The following DENND4C variants were observed in gnomAD, a reference collection of about 807,000 sequenced individuals.
The protein encoded by DENND4C is DENN domain containing 4C.
DENND4C carries 108 observed loss-of-function variants against 203.0 expected under a neutral mutation model. The ratio of observed to expected loss-of-function variants is 0.53; its 90% CI spans 0.46 to 0.62. The LOEUF (loss-of-function observed/expected upper bound fraction) is 0.62. DENND4C is among the 20% of genes least tolerant of loss of function. The pLI is 0.00. For missense variants in DENND4C, 2,481 were observed against 2,301.2 expected (o/e 1.08, Z -1.60); for synonymous variants, 871 against 792.4 (o/e 1.10, Z -1.67).
intron 1 of DENND4C, among the ~76,000 whole-genome samples, chr9:19,247,527 C>T (rs1444840737): frequency 6.6e-6 from 1 of 152,166 alleles, no homozygotes; most frequent in African/African-American, 2.4e-5. Context: ...TCCTGAGTAG[C>T]TAGGACTTTA....
intron 12 of DENND4C, among the ~76,000 whole-genome samples, chr9:19,323,457 G>T (rs1843226850): frequency 6.6e-6 from 1 of 151,144 alleles, no homozygotes; most frequent in South Asian, 2.1e-4. Context: ...GAATGAAGAA[G>T]AATCTAAAGT....
chr9:19,364,260 A>C (rs1827145183), intron 30 of DENND4C, among the ~76,000 whole-genome samples: 1 of 152,192 alleles, frequency 6.6e-6, no homozygotes, highest in Non-Finnish European at 1.5e-5. Flanking sequence ...TTAAAGATGA[A>C]GATTGTTTAA....
chr9:19,305,489 T>C lies in DENND4C; in HGVS notation c.1449T>C (p.Asp483=). 6.2e-7 allele frequency: 1 copy of C among 1,613,616 alleles called. No homozygotes were observed. Among genetic ancestry groups the C allele is most frequent in the Non-Finnish European group, 8.5e-7 (1 of 1,179,928 alleles). Residue 483 remains aspartate, a synonymous_variant, in exon 10 of 33, where the codon GAT becomes GAC. Transcript: ENST00000434457. ...RYFDLHDPPQ[D]VVCIDLDTNM... ...TTGATCTTCATGACCCACCACAAGA[T>C]GTTGTTTGCATTGACTTGGATACGA...
At position 19,328,103 on chromosome 9, in the gene DENND4C, C is replaced by T. The variant is rs544694150; in HGVS notation, c.2194C>T (p.His732Tyr). The T allele has an allele frequency of 6.2e-7, 1 of 1,613,596 alleles. No homozygotes were observed. The highest frequency in any genetic ancestry group is 8.5e-7 in the Non-Finnish European group (1 of 1,179,776). ...PQELKLCFSR[H>Y]PTGNSITKSP... ...GGAGTTGAAACTTTGTTTTAGTAGACACCCTACTGGGAATAGCATTACAAA... is the reference window on the plus strand; with the variant it reads ...GGAGTTGAAACTTTGTTTTAGTAGATACCCTACTGGGAATAGCATTACAAA... Residue 732 changes from histidine (H) to tyrosine (Y), a missense_variant, in exon 16 of 33, where the codon CAC becomes TAC. His to Tyr is a moderately conservative substitution (Grantham distance 83, BLOSUM62 2). This residue lies in a region of DENND4C where 2,289 missense variants were observed against 2,113.3 expected (regional missense o/e 1.08). Transcript: ENST00000434457.
chr9:19,319,646 C>T (rs1390886593), intron 12 of DENND4C, among the ~76,000 whole-genome samples: 13 of 151,558 alleles, frequency 8.6e-5, no homozygotes, highest in Non-Finnish European at 1.6e-4. Flanking sequence ...ACGGAAGTGA[C>T]ATCACTAAAG....
At chr9:19,321,192 C>A (rs890927796) in intron 12 of DENND4C, among the ~76,000 whole-genome samples, 3 of 152,222 alleles carry the variant, frequency 2.0e-5, no homozygotes, top group Admixed American at 6.5e-5. Context: ...AGAGATTGCA[C>A]TGGAGACATT....
At position 19,300,315 on chromosome 9, in the gene DENND4C, C is replaced by T. The variant is rs1838295543; in HGVS notation, c.1295C>T (p.Ala432Val). The T allele has an allele frequency of 6.3e-7, 1 of 1,590,702 alleles. No homozygotes were observed. Among genetic ancestry groups the T allele is most frequent in the Non-Finnish European group, 8.6e-7 (1 of 1,164,282 alleles). Residue 432 changes from alanine to valine, a missense_variant, in exon 9 of 33, where the codon GCT becomes GTT. By Grantham distance (64) the Ala-to-Val change is moderately conservative. Transcript: ENST00000434457. ...AGGCCAGCTGTCTTGACTGGGGTAG[C>T]TGAAGCTGTTGTAGCTGTAAGTATA... ...SLRPAVLTGV[A>V]EAVVAMIFPF... is the part of the protein sequence containing the mutation.
chr9:19,245,136 C>G (rs1242336252), intron 1 of DENND4C, among the ~76,000 whole-genome samples: 2 of 152,172 alleles, frequency 1.3e-5, no homozygotes, highest in African/African-American at 4.8e-5. Context: ...AGTGGGCCAC[C>G]TTCAGAAATT....
intron 16 of DENND4C, among the ~76,000 whole-genome samples, chr9:19,331,460 C>A (rs1819157637): frequency 6.6e-6 from 1 of 152,106 alleles, no homozygotes; most frequent in Admixed American, 6.6e-5. Flanking sequence ...CTTGGCCTCC[C>A]AAAGTGCTAG....
intron 5 of DENND4C, among the ~76,000 whole-genome samples, chr9:19,291,730 G>A (rs747715343): frequency 3.7e-4 from 56 of 150,148 alleles, no homozygotes; most frequent in Non-Finnish European, 6.9e-4. Flanking sequence ...AAATAGCAGA[G>A]ATAAGACATA....
intron 17 of DENND4C, among the ~76,000 whole-genome samples, chr9:19,333,024 A>T (rs1465073998): frequency 6.7e-6 from 1 of 150,078 alleles, no homozygotes; most frequent in East Asian, 1.9e-4. Flanking sequence ...TATATTTTTT[A>T]TTTATATTTA....
At chr9:19,321,118 T>A (rs571072545) in intron 12 of DENND4C, among the ~76,000 whole-genome samples, 56 of 152,286 alleles carry the variant, frequency 3.7e-4, no homozygotes, top group African/African-American at 1.3e-3. Context: ...TAGGATCAGA[T>A]TTGCATTTTT....
intron 21 of DENND4C, among the ~76,000 whole-genome samples, chr9:19,341,466 C>A (rs1309037691): frequency 6.6e-6 from 1 of 151,938 alleles, no homozygotes; most frequent in Non-Finnish European, 1.5e-5. Flanking sequence ...CGTGCCACCA[C>A]ACCCAGCTAA....
intron 1 of DENND4C, among the ~76,000 whole-genome samples, chr9:19,255,015 C>G (rs1301316594): frequency 3.3e-5 from 5 of 151,756 alleles, no homozygotes; most frequent in African/African-American, 1.2e-4. Flanking sequence ...GGAGGGGGGG[C>G]CGCCTGTAAT....
At chr9:19,279,582 C>A (rs567656505) in intron 2 of DENND4C, among the ~76,000 whole-genome samples, 1 of 151,474 alleles carries the variant, frequency 6.6e-6, no homozygotes, top group South Asian at 2.1e-4. Context: ...GAGGCTGAGG[C>A]AGGAGAATCA....
chr9:19,356,946 C>T, intron 26 of DENND4C, 26 bp from the exon 27 acceptor site: 1 of 1,601,810 alleles, frequency 6.2e-7, no homozygotes, highest in South Asian at 1.1e-5. Context: ...TTTAAAGGCT[C>T]TTTTTCCCCC....
intron 10 of DENND4C, among the ~76,000 whole-genome samples, chr9:19,306,578 A>G (rs1322730493): frequency 1.3e-5 from 2 of 152,072 alleles, no homozygotes; most frequent in African/African-American, 4.8e-5. Context: ...ACTTTTAGAA[A>G]TGATTATTTG....
chr9:19,341,283 T>C (rs1489572004), intron 21 of DENND4C, among the ~76,000 whole-genome samples, 169 bp downstream of exon 21: 3 of 151,742 alleles, frequency 2.0e-5, no homozygotes, highest in African/African-American at 7.3e-5. Context: ...CTCTGAAGTT[T>C]TAAAATTTAA....
At chr9:19,332,610 C>T (rs1471353187) in intron 17 of DENND4C, among the ~76,000 whole-genome samples, 1 of 150,830 alleles carries the variant, frequency 6.6e-6, no homozygotes, top group Non-Finnish European at 1.5e-5. Flanking sequence ...AGTGATCTGC[C>T]TGCCTCAGCT....
Sources: gnomAD v4.1 joint callset for allele counts (sites outside exome capture counted in the v4.1 genomes callset) on GRCh38, gnomAD v4.1.1 for gene constraint, gnomAD v4.1.1 regional missense constraint, MANE v1.5 for transcripts, NCBI Gene and HGNC (gene_info 2026-07-23, HGNC 2026-07-21) for gene names.